The following VPS13B variants were observed in gnomAD, a reference collection of about 807,000 sequenced individuals.
VPS13B encodes vacuolar protein sorting 13 homolog B, also known as intermembrane lipid transfer protein VPS13B.
Under a neutral mutation model 426.4 loss-of-function variants are expected in VPS13B, and 285 were observed. That is an observed-to-expected ratio of 0.67 (90% CI 0.61 to 0.74). The LOEUF is 0.74. VPS13B is among the 30% of genes least tolerant of loss of function. The probability of loss-of-function intolerance (pLI) is 0.00; values close to 1 mark genes in which losing one functional copy is unlikely to be tolerated. For synonymous variants in VPS13B, 1,676 were observed against 1,676.4 expected, an observed-to-expected ratio of 1.00 and a Z score of 0.01; for missense variants, 4,537 against 4,782.6, an observed-to-expected ratio of 0.95 and a Z score of 1.51.
intron 50 of VPS13B, among the ~76,000 whole-genome samples, chr8:99,822,080 A>G (rs1814403030): frequency 6.6e-6 from 1 of 152,256 alleles, no homozygotes; most frequent in Non-Finnish European, 1.5e-5. Context: ...GAAAACAATT[A>G]GCTGAATAAT....
intron 35 of VPS13B, among the ~76,000 whole-genome samples, chr8:99,679,799 C>G (rs571410954): frequency 2.0e-5 from 3 of 152,306 alleles, no homozygotes; most frequent in African/African-American, 4.8e-5. Flanking sequence ...TACTCCGTCT[C>G]CCTTGTCCAC....
intron 16 of VPS13B, among the ~76,000 whole-genome samples, chr8:99,186,862 A>T (rs1813246495): frequency 6.6e-6 from 1 of 152,160 alleles, no homozygotes; most frequent in Non-Finnish European, 1.5e-5. Context: ...TGTACAATAT[A>T]TTAATCTTTC....
intron 23 of VPS13B, among the ~76,000 whole-genome samples, chr8:99,444,920 A>T (rs1437236619): frequency 1.3e-5 from 2 of 152,030 alleles, no homozygotes; most frequent in Non-Finnish European, 2.9e-5. Flanking sequence ...AAGCACTGGG[A>T]TTATAGGTAT....
At position 99,040,092 on chromosome 8, in the gene VPS13B, G is replaced by GA. The variant is rs200412496; in HGVS notation, c.291+1536dup. Among the ~76,000 whole-genome samples, 416 of 147,414 alleles carry GA rather than the reference G, an allele frequency of 2.8e-3. 2 individuals are homozygous for GA. The highest frequency in any genetic ancestry group is 0.014 in the Middle Eastern group (4 of 288). On this transcript the variant is annotated intron_variant, in intron 3 of 61. Coordinates refer to ENST00000357162, the MANE Select transcript of VPS13B (RefSeq NM_152564.5). ...CCATGCAGTGTTCCATATTAAAAGA[G>GA]AAAAAAAAAATCCAGACACTTAAGT...
chr8:99,610,687 A>G (rs1191902855), intron 33 of VPS13B, among the ~76,000 whole-genome samples: 4 of 152,124 alleles, frequency 2.6e-5, no homozygotes, highest in African/African-American at 9.7e-5. Context: ...GTATACCTAT[A>G]TAACAAACCT....
intron 39 of VPS13B, among the ~76,000 whole-genome samples, chr8:99,756,494 A>C (rs955652394): frequency 6.6e-6 from 1 of 152,358 alleles, no homozygotes; most frequent in Admixed American, 6.5e-5. Flanking sequence ...ATCTACATCT[A>C]AGAAGCTCAA....
intron 25 of VPS13B, among the ~76,000 whole-genome samples, chr8:99,487,897 A>G (rs3103102): frequency 0.27 from 41,281 of 151,964 alleles, 6,418 homozygotes; most frequent in East Asian, 0.45. Flanking sequence ...TGTGGATAAT[A>G]CTGCTTTGAA....
chr8:99,372,543 G>A (rs1224146470), intron 19 of VPS13B, among the ~76,000 whole-genome samples: 1 of 152,060 alleles, frequency 6.6e-6, no homozygotes, highest in Admixed American at 6.5e-5. Flanking sequence ...CATTTATGTG[G>A]CCAACAAACA....
chr8:99,132,815 CT>C (rs948619897), intron 8 of VPS13B, among the ~76,000 whole-genome samples: 2 of 151,762 alleles, frequency 1.3e-5, no homozygotes, highest in African/African-American at 4.8e-5. Context: ...AAGAGGAGTC[CT>C]TTTTTTTGAG....
At chr8:99,276,066 T>C (rs928110338) in intron 19 of VPS13B, among the ~76,000 whole-genome samples, 1 of 152,166 alleles carries the variant, frequency 6.6e-6, no homozygotes, top group South Asian at 2.1e-4. Flanking sequence ...CTGTAGCTTA[T>C]AGAAAGTATG....
chr8:99,793,913 G>A (rs972749556), intron 43 of VPS13B, among the ~76,000 whole-genome samples: 1 of 152,174 alleles, frequency 6.6e-6, no homozygotes, highest in Admixed American at 6.5e-5. Flanking sequence ...GCATAATTAA[G>A]AGACTGTTGT....
At position 99,610,832 on chromosome 8, in the gene VPS13B, T is replaced by G. The variant is rs17327042; in HGVS notation, c.5221-30979T>G. On this transcript the variant is annotated intron_variant, in intron 33 of 61. Transcript: ENST00000357162. ...AGTTTTTTACTTATTTGCCTAATATTGAGTAGTGAATTTTCTTATTCTAAT... is the reference window on the plus strand; with the variant it reads ...AGTTTTTTACTTATTTGCCTAATATGGAGTAGTGAATTTTCTTATTCTAAT... Among the ~76,000 whole-genome samples, 1,336 of 152,308 alleles carry G rather than the reference T, an allele frequency of 8.8e-3. 9 individuals are homozygous for G. Among genetic ancestry groups the G allele is most frequent in the Non-Finnish European group, 0.015 (1,054 of 68,020 alleles).
At chr8:99,455,031 T>G (rs1407282771) in intron 23 of VPS13B, among the ~76,000 whole-genome samples, 4 of 152,218 alleles carry the variant, frequency 2.6e-5, no homozygotes, top group Non-Finnish European at 5.9e-5. Flanking sequence ...TCAGATGTTT[T>G]GTCAGATATT....
intron 42 of VPS13B, among the ~76,000 whole-genome samples, chr8:99,783,905 G>A (rs1366192401): frequency 6.6e-6 from 1 of 152,106 alleles, no homozygotes; most frequent in Admixed American, 6.6e-5. Flanking sequence ...TGTGGCTTTG[G>A]TAATTGGTCT....
intron 19 of VPS13B, among the ~76,000 whole-genome samples, chr8:99,286,672 A>G (rs1819460488): frequency 6.6e-6 from 1 of 152,160 alleles, no homozygotes; most frequent in Non-Finnish European, 1.5e-5. Context: ...TCAGAATCAG[A>G]TAACCTGCAA....
chr8:99,631,230 A>G (rs1287780791), intron 33 of VPS13B, among the ~76,000 whole-genome samples: 2 of 152,050 alleles, frequency 1.3e-5, no homozygotes, highest in African/African-American at 4.8e-5. Context: ...TTTGTGTCTC[A>G]TTCAATTGGT....
intron 14 of VPS13B, 94 bp from the exon 15 acceptor site, chr8:99,156,455 T>C (rs1317576953): frequency 8.1e-7 from 1 of 1,229,418 alleles, no homozygotes; most frequent in East Asian, 2.3e-5. Context: ...TTGATATCAC[T>C]GCAAATGTGC....
chr8:99,345,430 A>G (rs1293896018), intron 19 of VPS13B, among the ~76,000 whole-genome samples: 1 of 152,192 alleles, frequency 6.6e-6, no homozygotes, highest in East Asian at 1.9e-4. Flanking sequence ...CTGTCATTGT[A>G]GTGCAACACC....
chr8:99,401,779 T>C (rs1221636945), intron 21 of VPS13B, among the ~76,000 whole-genome samples: 1 of 152,188 alleles, frequency 6.6e-6, no homozygotes, highest in East Asian at 1.9e-4. Context: ...GGCAGGAGAA[T>C]TGCTTGAACC....
Sources: allele counts gnomAD v4.1 joint callset (sites outside exome capture counted in the v4.1 genomes callset), GRCh38; gene constraint gnomAD v4.1.1; transcripts MANE v1.5; gene names NCBI Gene and HGNC (gene_info 2026-07-23, HGNC 2026-07-21).